HCN1: variants seen among roughly 807,000 people sequenced by gnomAD.
HCN1 encodes hyperpolarization activated cyclic nucleotide gated potassium channel 1, also known as potassium/sodium hyperpolarization-activated cyclic nucleotide-gated channel 1.
A neutral mutation model predicts 78.9 loss-of-function variants in HCN1; 13 were observed. The ratio of observed to expected loss-of-function variants is 0.16; its 90% confidence interval spans 0.11 to 0.26. The LOEUF is 0.26. HCN1 is among the 10% of genes least tolerant of loss of function. The pLI is 1.00. For missense variants in HCN1, 810 were observed against 1,154.3 expected (o/e 0.70, Z 4.32); for synonymous variants, 552 against 455.5 (o/e 1.21, Z -2.70).
intron 5 of HCN1, among the ~76,000 whole-genome samples, chr5:45,338,098 G>T (rs1005601935): frequency 6.6e-6 from 1 of 152,092 alleles, no homozygotes; most frequent in Non-Finnish European, 1.5e-5. Context: ...AAAACACATT[G>T]AAAGGAGAGT....
chr5:45,262,917 G>C, intron 7 of HCN1, 107 bp from the exon 8 acceptor site: 1 of 1,265,948 alleles, frequency 7.9e-7, no homozygotes, highest in Non-Finnish European at 1.1e-6. Context: ...CTTCACAGGA[G>C]AGGCTTAAAA....
intron 2 of HCN1, among the ~76,000 whole-genome samples, chr5:45,611,422 C>T (rs561332470): frequency 3.3e-5 from 5 of 151,746 alleles, no homozygotes; most frequent in African/African-American, 1.2e-4. Flanking sequence ...CAGGCGCCCA[C>T]CACCATGTTT....
intron 1 of HCN1, among the ~76,000 whole-genome samples, chr5:45,674,735 T>C (rs1322653921): frequency 6.6e-6 from 1 of 151,650 alleles, no homozygotes; most frequent in East Asian, 1.9e-4. Flanking sequence ...ATAAACAATA[T>C]TTGTGGAATT....
chr5:45,497,062 G>T (rs2111719302), intron 2 of HCN1, among the ~76,000 whole-genome samples: 1 of 152,214 alleles, frequency 6.6e-6, no homozygotes, highest in East Asian at 1.9e-4. Context: ...ACTGTGGTCT[G>T]AGAGATAGTT....
intron 2 of HCN1, among the ~76,000 whole-genome samples, chr5:45,546,906 A>G (rs1743242380): frequency 6.6e-6 from 1 of 151,932 alleles, no homozygotes; most frequent in Non-Finnish European, 1.5e-5. Context: ...ATATTGAACC[A>G]AAATCCTCTA....
chr5:45,280,130 A>G (rs1745130377), intron 6 of HCN1, among the ~76,000 whole-genome samples: 1 of 152,172 alleles, frequency 6.6e-6, no homozygotes, highest in Non-Finnish European at 1.5e-5. Flanking sequence ...AACAAAAAAG[A>G]ATTTTGCTGT....
intron 5 of HCN1, among the ~76,000 whole-genome samples, chr5:45,318,751 A>C (rs1746059208): frequency 1.3e-5 from 2 of 151,690 alleles, no homozygotes; most frequent in South Asian, 2.1e-4. Flanking sequence ...ACAAATCCTA[A>C]GTGTACACAA....
intron 2 of HCN1, among the ~76,000 whole-genome samples, chr5:45,469,585 A>C (rs943878360): frequency 1.3e-5 from 2 of 151,984 alleles, no homozygotes; most frequent in Non-Finnish European, 2.9e-5. Flanking sequence ...TTTACTATAC[A>C]CACTTAATTT....
intron 2 of HCN1, among the ~76,000 whole-genome samples, chr5:45,472,997 C>T (rs575036231): frequency 6.6e-6 from 1 of 151,982 alleles, no homozygotes; most frequent in South Asian, 2.1e-4. Flanking sequence ...TCTCTCTGAA[C>T]TGTTTTTTAA....
chr5:45,357,284 T>C (rs1173750714), intron 4 of HCN1, among the ~76,000 whole-genome samples: 1 of 152,108 alleles, frequency 6.6e-6, no homozygotes, highest in African/African-American at 2.4e-5. Flanking sequence ...TGACTCCATA[T>C]AGAATTCTAG....
intron 4 of HCN1, among the ~76,000 whole-genome samples, chr5:45,360,684 T>G (rs971443323): frequency 6.6e-6 from 1 of 152,076 alleles, no homozygotes; most frequent in East Asian, 1.9e-4. Context: ...TGAAAAAGTT[T>G]TAAGTCACAT....
rs1182531310 is a variant in HCN1 at position 45,387,944 on chromosome 5, G to A, written c.1230+8548C>T. Among the ~76,000 whole-genome samples the A allele has an allele frequency of 2.6e-5, 4 of 152,142 alleles. No homozygotes were observed. In the East Asian group the frequency reaches 5.8e-4, roughly 22 times the overall value. On this transcript the variant is annotated intron_variant, in intron 4 of 7. Coordinates refer to ENST00000303230, the MANE Select transcript of HCN1 (RefSeq NM_021072.4). ...ATACTGTGATAAAAGCTATGTGAAT[G>A]TTTATTCGTGCAACTTTCCATTTGA...
chr5:45,588,724 T>C (rs1388622971), intron 2 of HCN1, among the ~76,000 whole-genome samples: 2 of 152,206 alleles, frequency 1.3e-5, no homozygotes, highest in African/African-American at 2.4e-5. Flanking sequence ...AGATGAGGCC[T>C]TTCATACCTG....
Position 45,262,162 on chromosome 5 carries a change from G to T in HCN1, c.2432C>A (p.Ser811Tyr), listed in dbSNP as rs967232218. The change falls in exon 8 of 8, where the codon TCC (serine) becomes TAC (tyrosine). Residue 811 changes from serine to tyrosine, a missense_variant. Around this residue, in one of 6 missense-constraint regions of HCN1, gnomAD observed 398 missense variants for 381.3 expected, o/e 1.04. Coordinates refer to ENST00000303230, the MANE Select transcript of HCN1 (RefSeq NM_021072.4). The part of the protein sequence containing the change: ...ISRPHPTVGE[S>Y]LASIPQPVTA... ...CACGGGTTGAGGGATGGAGGCCAGG[G>T]ACTCGCCCACAGTGGGATGAGGTCT... is the stretch of plus-strand genomic sequence containing the variant. The T allele has an allele frequency of 6.2e-7, 1 of 1,613,984 alleles. No homozygotes were observed. Among genetic ancestry groups the T allele is most frequent in the East Asian group, 2.2e-5 (1 of 44,868 alleles).
At chr5:45,534,404 C>CAAAAAAAAAAAAAAAAAAAAAAAA (rs71000637) in intron 2 of HCN1, among the ~76,000 whole-genome samples, 2 of 29,296 alleles carry the variant, frequency 6.8e-5, no homozygotes, top group African/African-American at 1.7e-4. Context: ...GACTGCATCT[C>CAAAAAAAAAAAAAAAAAAAAAAAA]AAAAAAAAAA....
At chr5:45,434,127 A>T (rs912213523) in intron 3 of HCN1, among the ~76,000 whole-genome samples, 1 of 152,206 alleles carries the variant, frequency 6.6e-6, no homozygotes, top group African/African-American at 2.4e-5. Context: ...CTTCTCCTCT[A>T]GGGAGAGTAC....
At chr5:45,495,632 A>T (rs1360485055) in intron 2 of HCN1, among the ~76,000 whole-genome samples, 1 of 152,170 alleles carries the variant, frequency 6.6e-6, no homozygotes, top group Non-Finnish European at 1.5e-5. Context: ...AACTTCCAAC[A>T]CTATGTTGAA....
intron 2 of HCN1, among the ~76,000 whole-genome samples, chr5:45,539,540 C>T (rs2111822548): frequency 6.6e-6 from 1 of 150,698 alleles, no homozygotes; most frequent in Non-Finnish European, 1.5e-5. Flanking sequence ...TGGCGGGCAC[C>T]TGTAATCCCA....
chr5:45,272,967 C>T (rs1744987411), intron 6 of HCN1, among the ~76,000 whole-genome samples: 1 of 151,982 alleles, frequency 6.6e-6, no homozygotes, highest in African/African-American at 2.4e-5. Context: ...AGCCTTTCTG[C>T]TTTTTTCTTG....
Sources: gnomAD v4.1 joint callset for allele counts (sites outside exome capture counted in the v4.1 genomes callset) on GRCh38, gnomAD v4.1.1 for gene constraint, gnomAD v4.1.1 regional missense constraint, MANE v1.5 for transcripts, NCBI Gene and HGNC (gene_info 2026-07-23, HGNC 2026-07-21) for gene names.